The following CHD1 variants were observed in gnomAD, a reference collection of about 807,000 sequenced individuals.
The protein encoded by CHD1 is ATP-dependent chromatin remodeler CHD1.
A neutral mutation model predicts 224.2 loss-of-function variants in CHD1; 36 were observed. That is an observed-to-expected ratio of 0.16 (90% CI 0.12 to 0.21). The LOEUF is 0.21. Ranked by LOEUF, CHD1 falls within the 10% of genes least tolerant of loss-of-function variation. The probability of loss-of-function intolerance (pLI) is 1.00; values close to 1 mark genes in which losing one functional copy is unlikely to be tolerated. For missense variants in CHD1, 1,378 were observed against 1,994.8 expected (o/e 0.69, Z 5.89); for synonymous variants, 668 against 658.3 (o/e 1.01, Z -0.23).
chr5:98,886,458 CATT>C (rs1384257353), intron 17 of CHD1, among the ~76,000 whole-genome samples: 1 of 152,140 alleles, frequency 6.6e-6, no homozygotes, highest in Non-Finnish European at 1.5e-5. Context: ...GCTTATTAAA[CATT>C]AGCTGCTATT....
intron 3 of CHD1, 66 bp downstream of exon 3, chr5:98,904,831 C>G: frequency 7.3e-7 from 1 of 1,373,074 alleles, no homozygotes. Flanking sequence ...TGGTATAAAC[C>G]AATCCTCTAA....
At chr5:98,873,318 T>C (rs1749503490) in intron 26 of CHD1, among the ~76,000 whole-genome samples, 1 of 152,180 alleles carries the variant, frequency 6.6e-6, no homozygotes, top group Non-Finnish European at 1.5e-5. Flanking sequence ...TATACACATA[T>C]ATCTATGAAT....
At position 98,858,206 on chromosome 5, in the gene CHD1, A is replaced by G. The variant is rs1316282688; in HGVS notation, c.4761T>C (p.Asp1587=). 2 of 1,613,094 alleles carry G rather than the reference A, an allele frequency of 1.2e-6. No homozygotes were observed. Among genetic ancestry groups the G allele is most frequent in the Admixed American group, 3.3e-5 (2 of 59,994 alleles). Residue 1587 remains aspartate (D), a synonymous_variant, in exon 35 of 36, where the codon GAT becomes GAC. Coordinates refer to ENST00000614616, the MANE Select transcript of CHD1 (RefSeq NM_001270.4). ...TGCTGTCTTGCTTGTAGTGATCCCA[A>G]TCACGATGGTCTTTACCATTACTAA... is the stretch of plus-strand genomic sequence containing the variant. ...SSFSNGKDHR[D]WDHYKQDSRY... is the part of the protein sequence containing the mutation.
intron 2 of CHD1, among the ~76,000 whole-genome samples, chr5:98,925,525 G>A (rs1472663744): frequency 6.6e-6 from 1 of 152,178 alleles, no homozygotes; most frequent in African/African-American, 2.4e-5. Flanking sequence ...TAAGCAAACA[G>A]TTTGACTCCA....
At chr5:98,882,195 A>C in intron 19 of CHD1, 72 bp from the exon 20 acceptor site, 1 of 1,259,490 alleles carries the variant, frequency 7.9e-7, no homozygotes, top group South Asian at 1.4e-5. Flanking sequence ...GTGCCTAAAC[A>C]CTGGCACACA....
Position 98,897,527 on chromosome 5 carries a change from CT to C in CHD1, c.1366-208del, listed in dbSNP as rs546563923. 7.1e-4 allele frequency among the ~76,000 whole-genome samples: 108 copies of C among 152,166 alleles called. 1 individual carries two copies. The highest frequency in any genetic ancestry group is 2.5e-3 in the African/African-American group (104 of 41,550). On this transcript the variant is annotated intron_variant, in intron 10 of 35. Transcript: ENST00000614616. ...AATGAACAGTGAAATATTTTGCCTT[CT>C]TTTTTAAACAAAAATGTATAGAGAA...
intron 14 of CHD1, among the ~76,000 whole-genome samples, chr5:98,893,031 T>C (rs148943170): frequency 6.6e-6 from 1 of 152,278 alleles, no homozygotes; most frequent in African/African-American, 2.4e-5. Flanking sequence ...AGAGAACAAG[T>C]AGTGACCTTT....
chr5:98,859,844 G>A (rs1426433536), intron 33 of CHD1, 128 bp downstream of exon 33: 2 of 516,392 alleles, frequency 3.9e-6, no homozygotes, highest in Non-Finnish European at 7.0e-6. Context: ...CATTACTGTG[G>A]TGTTCAATGG....
intron 8 of CHD1, among the ~76,000 whole-genome samples, chr5:98,899,035 A>C (rs1406123656): frequency 6.6e-6 from 1 of 152,160 alleles, no homozygotes; most frequent in East Asian, 1.9e-4. Context: ...CTTGAGATGG[A>C]ATAAAATCAT....
chr5:98,893,740 T>C (rs539537028), intron 13 of CHD1, 134 bp from the exon 14 acceptor site: 1 of 611,482 alleles, frequency 1.6e-6, no homozygotes, highest in Non-Finnish European at 2.8e-6. Flanking sequence ...AAATAAAAAA[T>C]CGTAATCTCA....
At chr5:98,866,867 A>G (rs1748911176) in intron 31 of CHD1, among the ~76,000 whole-genome samples, 1 of 151,986 alleles carries the variant, frequency 6.6e-6, no homozygotes, top group Non-Finnish European at 1.5e-5. Context: ...TTTCTCTAAC[A>G]TTATTATTTC....
chr5:98,904,805 A>C, intron 3 of CHD1, 92 bp downstream of exon 3: 1 of 1,125,650 alleles, frequency 8.9e-7, no homozygotes, highest in South Asian at 1.3e-5. Context: ...GTCTTCTCTA[A>C]AAGCTAGATT....
rs70984334 is a variant in CHD1, at chr5:98,917,299, C to CAAAAAAAAAAAAAAAAAAAAAAAA, written c.53+9034_53+9035insTTTTTTTTTTTTTTTTTTTTTTTT. ...GCCCATCCCTCCAAAAACAAAGAAA[C>CAAAAAAAAAAAAAAAAAAAAAAAA]AAAAAAAAAAAACAACCTCTTAATT... On this transcript the variant is annotated intron_variant, in intron 2 of 35. Coordinates refer to ENST00000614616, the MANE Select transcript of CHD1 (RefSeq NM_001270.4). Among the ~76,000 whole-genome samples the CAAAAAAAAAAAAAAAAAAAAAAAA allele has an allele frequency of 4.3e-4, 52 of 119,810 alleles. 2 individuals are homozygous for CAAAAAAAAAAAAAAAAAAAAAAAA. Among genetic ancestry groups the CAAAAAAAAAAAAAAAAAAAAAAAA allele is most frequent in the African/African-American group, 1.0e-3 (26 of 25,312 alleles). 78.6% of individuals were successfully genotyped at this position (119,810 alleles called of 152,430 possible).
intron 35 of CHD1, among the ~76,000 whole-genome samples, chr5:98,857,895 T>G (rs1239559993): frequency 6.6e-6 from 1 of 152,118 alleles, no homozygotes; most frequent in Non-Finnish European, 1.5e-5. Context: ...TGAGCCAATA[T>G]TCTTCAAAAC....
At chr5:98,893,707 AAAAC>A (rs1021582623) in intron 13 of CHD1, 101 bp from the exon 14 acceptor site, 6 of 754,932 alleles carry the variant, frequency 7.9e-6, no homozygotes, top group African/African-American at 5.5e-5. Flanking sequence ...ATAAAAATTA[AAAAC>A]AAACTTTGTC....
chr5:98,856,534 T>C lies in CHD1; in HGVS notation c.4979A>G (p.Tyr1660Cys), dbSNP rs755887026. Residue 1660 changes from tyrosine to cysteine, a missense_variant, in exon 36 of 36, where the codon TAT (tyrosine) becomes TGT (cysteine). By Grantham distance (194) the Tyr-to-Cys change is radical. Coordinates refer to ENST00000614616, the MANE Select transcript of CHD1 (RefSeq NM_001270.4). ...GTGGTCCATTTGCCAGTCTGAGTGA[T>C]ACCTATAATCCCTGGAAGATTTATG... ...THHKSSRDYR[Y>C]HSDWQMDHRA... is the part of the protein sequence containing the mutation. The C allele has an allele frequency of 1.2e-5, 20 of 1,613,826 alleles. No homozygotes were observed. Among genetic ancestry groups the C allele is most frequent in the Admixed American group, 6.7e-5 (4 of 59,976 alleles).
At chr5:98,923,348 T>TA (rs1254415382) in intron 2 of CHD1, among the ~76,000 whole-genome samples, 1 of 152,116 alleles carries the variant, frequency 6.6e-6, no homozygotes, top group Non-Finnish European at 1.5e-5. Flanking sequence ...ATTAAAGAAA[T>TA]ATGCTTTGCA....
At chr5:98,876,680 A>T in intron 23 of CHD1, 122 bp from the exon 24 acceptor site, 2 of 805,164 alleles carry the variant, frequency 2.5e-6, no homozygotes, top group East Asian at 2.6e-5. Flanking sequence ...AAAACATTCC[A>T]TAAACAAAAT....
At chr5:98,894,513 C>A (rs1438953964) in intron 13 of CHD1, 84 bp downstream of exon 13, 2 of 464,888 alleles carry the variant, frequency 4.3e-6, no homozygotes, top group Non-Finnish European at 8.0e-6. Flanking sequence ...ACGATTTAGG[C>A]TATTCTCTCA....
Sources: gnomAD v4.1 joint callset for allele counts (sites outside exome capture counted in the v4.1 genomes callset) on GRCh38, gnomAD v4.1.1 for gene constraint, MANE v1.5 for transcripts, NCBI Gene and HGNC (gene_info 2026-07-23, HGNC 2026-07-21) for gene names.